Variants in SPATS2 observed in about 807,000 individuals in gnomAD.
SPATS2 encodes spermatogenesis associated serine rich 2.
A neutral mutation model predicts 63.7 loss-of-function variants in SPATS2; 38 were observed. That is an observed-to-expected ratio of 0.60 (90% CI 0.46 to 0.78). SPATS2 has a LOEUF of 0.78. Among genes scored for constraint, SPATS2 ranks in the 30% least tolerant of loss-of-function variants. The pLI is 0.00. For missense variants in SPATS2, 588 were observed against 666.2 expected, an observed-to-expected ratio of 0.88 and a Z score of 1.29; for synonymous variants, 207 against 232.9, an observed-to-expected ratio of 0.89 and a Z score of 1.01.
At chr12:49,521,801 G>T (rs373049613) in intron 11 of SPATS2, among the ~76,000 whole-genome samples, 10 of 152,104 alleles carry the variant, frequency 6.6e-5, no homozygotes, top group African/African-American at 1.4e-4. Flanking sequence ...GTAACAAGAG[G>T]TTCGTGTGCT....
chr12:49,453,856 C>CTTTTTTTTTTTTTTTTTT, intron 2 of SPATS2, among the ~76,000 whole-genome samples: 1 of 76,196 alleles, frequency 1.3e-5, no homozygotes, highest in Non-Finnish European at 2.4e-5. Flanking sequence ...AAATAGCATT[C>CTTTTTTTTTTTTTTTTTT]TTTTTTTTTT....
chr12:49,493,509 C>T (rs1432052532), intron 6 of SPATS2, among the ~76,000 whole-genome samples: 1 of 151,596 alleles, frequency 6.6e-6, no homozygotes, highest in Non-Finnish European at 1.5e-5. Context: ...TTAAGTGATT[C>T]TCCTGCCTCA....
chr12:49,416,833 G>T (rs772096314), intron 2 of SPATS2, among the ~76,000 whole-genome samples: 1 of 152,174 alleles, frequency 6.6e-6, no homozygotes, highest in Non-Finnish European at 1.5e-5. Context: ...TGCCCCTTCT[G>T]TTGCATTCCC....
intron 2 of SPATS2, among the ~76,000 whole-genome samples, chr12:49,437,126 G>A (rs527352156): frequency 6.6e-6 from 1 of 151,922 alleles, no homozygotes; most frequent in Non-Finnish European, 1.5e-5. Flanking sequence ...GTGGCTGCCG[G>A]GTGGAGGGGC....
chr12:49,520,557 G>A (rs775614869), intron 11 of SPATS2, among the ~76,000 whole-genome samples: 4 of 152,112 alleles, frequency 2.6e-5, no homozygotes, highest in Non-Finnish European at 4.4e-5. Context: ...CACAGTGGCA[G>A]GCAGGAGCTC....
At chr12:49,468,504 T>C (rs896244438) in intron 3 of SPATS2, among the ~76,000 whole-genome samples, 2 of 150,014 alleles carry the variant, frequency 1.3e-5, no homozygotes, top group African/African-American at 4.9e-5. Context: ...TGAGACAGAG[T>C]CTCCCTCCGT....
intron 3 of SPATS2, among the ~76,000 whole-genome samples, chr12:49,483,911 T>C (rs888390263): frequency 2.0e-5 from 3 of 152,250 alleles, no homozygotes; most frequent in Admixed American, 2.0e-4. Context: ...TTTTATCTTA[T>C]TGGGTTAAAA....
At chr12:49,372,340 C>T (rs1944012832) in intron 2 of SPATS2, among the ~76,000 whole-genome samples, 3 of 152,154 alleles carry the variant, frequency 2.0e-5, no homozygotes, top group Admixed American at 2.0e-4. Context: ...CCACTGTGGC[C>T]TGCTGAGGCT....
intron 2 of SPATS2, among the ~76,000 whole-genome samples, chr12:49,410,421 A>AG (rs1944777891): frequency 6.6e-6 from 1 of 152,120 alleles, no homozygotes; most frequent in Non-Finnish European, 1.5e-5. Context: ...TCTGAAAAAA[A>AG]GTTGAATATA....
At chr12:49,412,351 T>C (rs1048829314) in intron 2 of SPATS2, among the ~76,000 whole-genome samples, 6 of 151,822 alleles carry the variant, frequency 4.0e-5, no homozygotes, top group South Asian at 2.1e-4. Context: ...TGCGCCACCA[T>C]GCCCAGCTAA....
rs528288273 is a variant in SPATS2, at chr12:49,467,060, T to G, written c.25+6023T>G. Among the ~76,000 whole-genome samples the G allele has an allele frequency of 1.2e-3, 172 of 139,068 alleles. 1 individual carries two copies. The South Asian group carries it at 0.034, about 27-fold the overall frequency. 91.2% of individuals were successfully genotyped at this position (139,068 alleles called of 152,430 possible). On this transcript the variant is annotated intron_variant, in intron 3 of 13. Coordinates refer to ENST00000552918, the MANE Select transcript of SPATS2 (RefSeq NM_023071.4). ...TTGTTCTTTGTTTTTTTTTTTTTTT[T>G]TTTTTTTTTTGATGGAGTCTCACTG...
intron 2 of SPATS2, among the ~76,000 whole-genome samples, chr12:49,416,692 C>T (rs1944895684): frequency 6.6e-6 from 1 of 151,916 alleles, no homozygotes; most frequent in Admixed American, 6.6e-5. Context: ...ACCATGTTGG[C>T]CAGGCTGGTC....
At chr12:49,428,495 C>G (rs1461478326) in intron 2 of SPATS2, among the ~76,000 whole-genome samples, 1 of 152,198 alleles carries the variant, frequency 6.6e-6, no homozygotes, top group Admixed American at 6.5e-5. Context: ...TTTGACTAGT[C>G]TAGGTGCCTC....
At chr12:49,397,283 A>G (rs1944527679) in intron 2 of SPATS2, among the ~76,000 whole-genome samples, 1 of 152,162 alleles carries the variant, frequency 6.6e-6, no homozygotes, top group African/African-American at 2.4e-5. Context: ...GGCATGTATC[A>G]TAGTTTTTTA....
chr12:49,370,651 GTTAT>G (rs1943980855), intron 1 of SPATS2, among the ~76,000 whole-genome samples: 1 of 152,180 alleles, frequency 6.6e-6, no homozygotes, highest in East Asian at 1.9e-4. Context: ...GTTGTTCTTG[GTTAT>G]TTATTTATGT....
chr12:49,374,414 G>A (rs1944056561), intron 2 of SPATS2, among the ~76,000 whole-genome samples: 1 of 152,154 alleles, frequency 6.6e-6, no homozygotes, highest in African/African-American at 2.4e-5. Context: ...ACAGGTGTGA[G>A]CCACAGTGCC....
At chr12:49,421,503 A>T (rs1038020238) in intron 2 of SPATS2, among the ~76,000 whole-genome samples, 3 of 151,742 alleles carry the variant, frequency 2.0e-5, no homozygotes, top group African/African-American at 7.3e-5. Context: ...CTCAAAGACC[A>T]TGAGGGATAC....
At chr12:49,439,989 A>T (rs1031213079) in intron 2 of SPATS2, among the ~76,000 whole-genome samples, 8 of 152,228 alleles carry the variant, frequency 5.3e-5, no homozygotes, top group African/African-American at 1.9e-4. Flanking sequence ...ATGCAGCAAT[A>T]GGTTTTTAAC....
chr12:49,479,860 T>C (rs1454719623), intron 3 of SPATS2, among the ~76,000 whole-genome samples: 1 of 152,184 alleles, frequency 6.6e-6, no homozygotes, highest in East Asian at 1.9e-4. Flanking sequence ...TGAGAACTAG[T>C]ATATTTGGTG....
Sources: gnomAD v4.1 joint callset for allele counts (sites outside exome capture counted in the v4.1 genomes callset) on GRCh38, gnomAD v4.1.1 for gene constraint, MANE v1.5 for transcripts, NCBI Gene and HGNC (gene_info 2026-07-23, HGNC 2026-07-21) for gene names.